NINJ2: variants seen among roughly 807,000 people sequenced by gnomAD.
NINJ2 encodes the protein ninjurin-2.
In NINJ2, 12 loss-of-function variants were observed where a neutral mutation model predicts 11.7. The observed-to-expected ratio is 1.02, with a 90% confidence interval of 0.66 to 1.66. NINJ2 has a LOEUF of 1.66. Among genes scored for constraint, NINJ2 ranks in the 40% most tolerant of loss-of-function variants. NINJ2 has a pLI of 0.00. For synonymous variants in NINJ2, 93 were observed against 76.8 expected (o/e 1.21, Z -1.10); for missense variants, 187 against 181.8 (o/e 1.03, Z -0.16).
chr12:595,978 A>T (rs1316535627), intron 1 of NINJ2, among the ~76,000 whole-genome samples: 3 of 152,214 alleles, frequency 2.0e-5, no homozygotes, highest in Non-Finnish European at 4.4e-5. Flanking sequence ...CAACAATTTG[A>T]TGAGAATGGC....
Position 585,506 on chromosome 12 carries a change from ACGG to A in NINJ2, c.34-19331_34-19329del, listed in dbSNP as rs1424773138. Among the ~76,000 whole-genome samples the A allele has an allele frequency of 3.7e-4, 55 of 150,098 alleles. No individual in the cohort carries two copies. The highest frequency in any genetic ancestry group is 8.0e-4 in the African/African-American group (33 of 41,130). ...GAACGGTTGGAGGGAAGGGAAGGGA[ACGG>A]TTGGAGGGAAGGGAAGGGAACGGTT... On this transcript the variant is annotated intron_variant, in intron 1 of 3. Transcript: ENST00000305108. This position sits in a 1 kb window ranked among gnomAD's most constrained non-coding sequence, Gnocchi z 4.1.
intron 1 of NINJ2, among the ~76,000 whole-genome samples, chr12:648,892 G>A (rs916825880): frequency 4.0e-5 from 6 of 151,828 alleles, no homozygotes; most frequent in African/African-American, 7.3e-5. Context: ...CACTGTTTTC[G>A]GCACTAGAAT....
chr12:609,683 A>C (rs1436859590), intron 1 of NINJ2, among the ~76,000 whole-genome samples: 9 of 150,370 alleles, frequency 6.0e-5, no homozygotes, highest in Non-Finnish European at 1.3e-4. Flanking sequence ...AGGCAGGAGA[A>C]TGGCGTGAAC....
intron 1 of NINJ2, among the ~76,000 whole-genome samples, chr12:595,196 T>C (rs1051115376): frequency 6.6e-6 from 1 of 151,800 alleles, no homozygotes; most frequent in Admixed American, 6.6e-5. Context: ...TAACTCAAAA[T>C]GGATCATAGA....
intron 1 of NINJ2, among the ~76,000 whole-genome samples, chr12:634,821 A>T (rs752295525): frequency 1.3e-5 from 2 of 152,236 alleles, no homozygotes; most frequent in Non-Finnish European, 2.9e-5. Flanking sequence ...CCATAACATT[A>T]AATTCCTTTG....
chr12:655,561 A>G (rs2120538082), intron 1 of NINJ2, among the ~76,000 whole-genome samples: 1 of 152,340 alleles, frequency 6.6e-6, no homozygotes, highest in East Asian at 1.9e-4. Flanking sequence ...CTAACAAAAT[A>G]TGTACAATAT....
chr12:639,431 G>C (rs1358265165), intron 1 of NINJ2, among the ~76,000 whole-genome samples: 1 of 152,114 alleles, frequency 6.6e-6, no homozygotes, highest in East Asian at 1.9e-4. Context: ...TTCAAGCCTG[G>C]ACAGTCTAGC....
At chr12:647,399 A>G (rs1937702915) in intron 1 of NINJ2, among the ~76,000 whole-genome samples, 1 of 152,186 alleles carries the variant, frequency 6.6e-6, no homozygotes, top group African/African-American at 2.4e-5. Flanking sequence ...AGTATGTGGC[A>G]TGCACATAGT....
At chr12:583,691 G>A (rs1947591162) in intron 1 of NINJ2, among the ~76,000 whole-genome samples, 1 of 152,156 alleles carries the variant, frequency 6.6e-6, no homozygotes, top group African/African-American at 2.4e-5. Context: ...TTTTGCTGGG[G>A]CTCTATTTCC....
In NINJ2 at chr12:640,052, G is replaced by A. The variant is rs773108850; in HGVS notation, c.33+23276C>T. On this transcript the variant is annotated intron_variant, in intron 1 of 3. Transcript: ENST00000305108. The surrounding 1 kb of genome is among the most constrained non-coding windows in gnomAD (Gnocchi z 4.0). Reference sequence around the variant, plus strand: ...TAGTGCTGTTTCAGGTTAAGTCAGCGTCCCTCCAATGTGCCAGACCTACTG... The same window carrying A: ...TAGTGCTGTTTCAGGTTAAGTCAGCATCCCTCCAATGTGCCAGACCTACTG... Among the ~76,000 whole-genome samples, 2 of 152,218 alleles carry A rather than the reference G, an allele frequency of 1.3e-5. No individual in the cohort carries two copies. The highest frequency in any genetic ancestry group is 4.8e-5 in the African/African-American group (2 of 41,456).
At chr12:620,577 A>G (rs922564907) in intron 1 of NINJ2, among the ~76,000 whole-genome samples, 2 of 152,236 alleles carry the variant, frequency 1.3e-5, no homozygotes, top group African/African-American at 4.8e-5. Context: ...TACTAAAAGT[A>G]CAATTATGAT....
chr12:572,078 C>T (rs903934415), intron 1 of NINJ2, among the ~76,000 whole-genome samples: 4 of 152,350 alleles, frequency 2.6e-5, no homozygotes, highest in African/African-American at 7.2e-5. Flanking sequence ...CAATCCGGGC[C>T]GGGAGCACTG....
At chr12:656,975 C>T (rs990604112) in intron 1 of NINJ2, among the ~76,000 whole-genome samples, 5 of 152,138 alleles carry the variant, frequency 3.3e-5, no homozygotes, top group African/African-American at 1.2e-4. Flanking sequence ...AAGCACAGAC[C>T]TTCCACCCTC....
chr12:642,151 C>T (rs939825726), intron 1 of NINJ2, among the ~76,000 whole-genome samples: 1 of 152,120 alleles, frequency 6.6e-6, no homozygotes, highest in Admixed American at 6.5e-5. Flanking sequence ...ATCTGTGAGT[C>T]GCGGTTAATA....
chr12:613,231 C>T (rs1306132532), intron 1 of NINJ2, among the ~76,000 whole-genome samples: 4 of 152,182 alleles, frequency 2.6e-5, no homozygotes, highest in African/African-American at 4.8e-5. Context: ...AGCATATCTG[C>T]GGCTCCTAAG....
At chr12:609,396 C>T (rs973770073) in intron 1 of NINJ2, among the ~76,000 whole-genome samples, 1 of 152,182 alleles carries the variant, frequency 6.6e-6, no homozygotes, top group Non-Finnish European at 1.5e-5. Context: ...CGGGCCTTCG[C>T]AAGGCTCACA....
chr12:629,759 T>C (rs1205675868), intron 1 of NINJ2, among the ~76,000 whole-genome samples: 1 of 150,342 alleles, frequency 6.7e-6, no homozygotes, highest in African/African-American at 2.4e-5. Context: ...TGGTGGCGCA[T>C]GCCTGTAATC....
chr12:615,935 G>A (rs543746264), intron 1 of NINJ2, among the ~76,000 whole-genome samples: 1 of 152,362 alleles, frequency 6.6e-6, no homozygotes, highest in Non-Finnish European at 1.5e-5. Context: ...GGAAAAGTGA[G>A]GCACACTCTC....
At chr12:624,510 G>A (rs1948189573) in intron 1 of NINJ2, among the ~76,000 whole-genome samples, 1 of 152,024 alleles carries the variant, frequency 6.6e-6, no homozygotes, top group African/African-American at 2.4e-5. Context: ...ACAACACATG[G>A]TATAAAAAAT....
Sources: gnomAD v4.1 joint callset for allele counts (sites outside exome capture counted in the v4.1 genomes callset) on GRCh38, gnomAD v4.1.1 for gene constraint, Gnocchi (gnomAD v3.1) non-coding constraint, MANE v1.5 for transcripts, NCBI Gene and HGNC (gene_info 2026-07-23, HGNC 2026-07-21) for gene names.